Variants in WWP1 observed in about 807,000 individuals in gnomAD.
WWP1 encodes NEDD4-like E3 ubiquitin-protein ligase WWP1.
A neutral mutation model predicts 130.6 loss-of-function variants in WWP1; 49 were observed. The observed-to-expected ratio is 0.38, with a 90% CI of 0.30 to 0.48. The LOEUF (loss-of-function observed/expected upper bound fraction) is 0.48. WWP1 is among the 20% of genes least tolerant of loss of function. The pLI is 0.99. For synonymous variants in WWP1, 332 were observed against 367.8 expected, an observed-to-expected ratio of 0.90 and a Z score of 1.11; for missense variants, 809 against 1,100.6, an observed-to-expected ratio of 0.74 and a Z score of 3.75.
chr8:86,433,143 G>T (rs1297589492), intron 14 of WWP1, among the ~76,000 whole-genome samples: 1 of 151,490 alleles, frequency 6.6e-6, no homozygotes, highest in Non-Finnish European at 1.5e-5. Flanking sequence ...CAAAAGTAGT[G>T]CTGTGAGCCA....
chr8:86,424,214 G>A (rs1429201212), intron 9 of WWP1, among the ~76,000 whole-genome samples: 4 of 149,328 alleles, frequency 2.7e-5, no homozygotes, highest in South Asian at 2.2e-4. Flanking sequence ...ACGGGGCGGC[G>A]GGGCAGAGGC....
At position 86,452,693 on chromosome 8, in the gene WWP1, A is replaced by C. The variant is rs1347499146; in HGVS notation, c.2394+14A>C. 1 of 1,611,588 alleles carries C rather than the reference A, an allele frequency of 6.2e-7. No individual in the cohort carries two copies. Among genetic ancestry groups the C allele is most frequent in the African/African-American group, 1.3e-5 (1 of 74,848 alleles). Reference sequence around the variant, plus strand: ...AAAGAATTAGAGGTTAGGCCCTTTTATTATGCTATTGTAGGGAATGTTAGT... The same window carrying C: ...AAAGAATTAGAGGTTAGGCCCTTTTCTTATGCTATTGTAGGGAATGTTAGT... On this transcript the variant is annotated intron_variant, in intron 21 of 24. Transcript: ENST00000517970.
chr8:86,395,478 A>G (rs1175185006), intron 5 of WWP1, among the ~76,000 whole-genome samples: 2 of 130,760 alleles, frequency 1.5e-5, no homozygotes, highest in Non-Finnish European at 1.8e-5. Context: ...ACAGATTCAT[A>G]CTGTCCCAAA....
intron 8 of WWP1, among the ~76,000 whole-genome samples, chr8:86,403,000 A>G (rs893849298): frequency 7.2e-5 from 11 of 152,206 alleles, no homozygotes; most frequent in African/African-American, 2.2e-4. Context: ...TATAGAAGGA[A>G]TGCCTAAGGA....
intron 22 of WWP1, among the ~76,000 whole-genome samples, chr8:86,458,934 C>T (rs1490822552): frequency 1.3e-5 from 2 of 151,884 alleles, no homozygotes; most frequent in Non-Finnish European, 2.9e-5. Context: ...CCTAAATGTC[C>T]ATCAGGAGAG....
At chr8:86,437,441 G>A (rs1389503648) in intron 16 of WWP1, among the ~76,000 whole-genome samples, 1 of 152,192 alleles carries the variant, frequency 6.6e-6, no homozygotes, top group Non-Finnish European at 1.5e-5. Context: ...TCTAAGTACT[G>A]CTAGTCAGAA....
At position 86,402,082 on chromosome 8, in the gene WWP1, C is replaced by T. The variant is rs1364220845; in HGVS notation, c.603C>T (p.Asn201=). 2 of 1,613,770 alleles carry T rather than the reference C, an allele frequency of 1.2e-6. No homozygotes were observed. The highest frequency in any genetic ancestry group is 1.7e-6 in the Non-Finnish European group (2 of 1,179,962). Residue 201 remains asparagine (N), a synonymous_variant, in exon 8 of 25, where the codon AAC becomes AAT. Transcript: ENST00000517970. ...NHVPTSTLVQ[N]SCCSYVVNGD... is the part of the protein sequence containing the mutation. ...TACCTACAAGCACTCTAGTCCAAAA[C>T]TCATGCTGCTCGTATGTAGTTAATG...
chr8:86,345,747 T>C (rs920261710), intron 1 of WWP1, among the ~76,000 whole-genome samples: 14 of 152,178 alleles, frequency 9.2e-5, no homozygotes, highest in Non-Finnish European at 1.5e-5. Flanking sequence ...ACCTTCAGGT[T>C]CTTCTGTGTA....
rs1482546085 is a variant in WWP1, at chr8:86,411,523, A to T, written c.725-15A>T. 1 of 1,598,098 alleles carries T rather than the reference A, an allele frequency of 6.3e-7. No individual in the cohort carries two copies. The highest frequency in any genetic ancestry group is 8.5e-7 in the Non-Finnish European group (1 of 1,170,136). ...CATTACTTGATAGATGATTTTATTAATTTTCCCTTCTCAGTTAATGGAGAA... is the reference window on the plus strand; with the variant it reads ...CATTACTTGATAGATGATTTTATTATTTTTCCCTTCTCAGTTAATGGAGAA... On this transcript the variant is annotated splice_polypyrimidine_tract_variant and intron_variant, in intron 8 of 24. Coordinates refer to ENST00000517970, the MANE Select transcript of WWP1 (RefSeq NM_007013.4).
At chr8:86,452,192 G>A (rs1265427969) in intron 20 of WWP1, among the ~76,000 whole-genome samples, 2 of 151,964 alleles carry the variant, frequency 1.3e-5, no homozygotes, top group African/African-American at 2.4e-5. Context: ...GTTCCTTCCC[G>A]GTGGGCACAT....
chr8:86,431,802 T>G, intron 14 of WWP1, 59 bp downstream of exon 14: 11 of 1,592,420 alleles, frequency 6.9e-6, no homozygotes, highest in Middle Eastern at 1.7e-4. Context: ...TGAGATTTAG[T>G]CTCTAATTTA....
Position 86,398,457 on chromosome 8 carries a change from A to T in WWP1, c.450A>T (p.Thr150=), listed in dbSNP as rs1199695369. The T allele has an allele frequency of 2.5e-6, 4 of 1,612,754 alleles. No individual in the cohort carries two copies. Among genetic ancestry groups the T allele is most frequent in the Non-Finnish European group, 3.4e-6 (4 of 1,179,156 alleles). The part of the protein sequence containing the change: ...DGLVIEQENI[T]NCSSSPTIEI... ...TGGTGATTGAGCAAGAAAATATAAC[A>T]AACTGCAGCTCATCTCCAACCAGTA... Residue 150 remains threonine (T), a synonymous_variant, in exon 6 of 25, where the codon ACA becomes ACT. Coordinates refer to ENST00000517970, the MANE Select transcript of WWP1 (RefSeq NM_007013.4).
intron 2 of WWP1, among the ~76,000 whole-genome samples, chr8:86,371,833 A>G (rs915973036): frequency 8.6e-5 from 13 of 151,796 alleles, no homozygotes; most frequent in Non-Finnish European, 1.9e-4. Context: ...CGTGTAGTCA[A>G]AATATTCACC....
chr8:86,362,063 C>T (rs201066229), intron 1 of WWP1, among the ~76,000 whole-genome samples: 5 of 131,942 alleles, frequency 3.8e-5, no homozygotes, highest in Non-Finnish European at 4.7e-5. Flanking sequence ...TATATACACA[C>T]ATATATATAC....
chr8:86,366,051 G>A (rs965264700), intron 1 of WWP1, among the ~76,000 whole-genome samples: 3 of 152,288 alleles, frequency 2.0e-5, no homozygotes, highest in South Asian at 2.1e-4. Context: ...GAAGTGCTTC[G>A]CAAATGTAAA....
intron 21 of WWP1, 64 bp downstream of exon 21, chr8:86,452,743 T>C: frequency 1.3e-6 from 2 of 1,576,650 alleles, no homozygotes; most frequent in East Asian, 2.3e-5. Context: ...ATTTAGTGCT[T>C]TTACAGAACA....
intron 21 of WWP1, among the ~76,000 whole-genome samples, chr8:86,455,371 T>G (rs1245881294): frequency 6.6e-6 from 1 of 151,918 alleles, no homozygotes; most frequent in East Asian, 1.9e-4. Flanking sequence ...GGGAAATAAG[T>G]AAAACTGCCT....
chr8:86,343,798 A>AT (rs1238883872), intron 1 of WWP1, among the ~76,000 whole-genome samples: 8 of 151,750 alleles, frequency 5.3e-5, no homozygotes, highest in African/African-American at 1.7e-4. Context: ...AGTTTAACAA[A>AT]TTTTTTTCTG....
chr8:86,414,227 CT>C (rs377203401), intron 9 of WWP1, among the ~76,000 whole-genome samples: 8 of 150,946 alleles, frequency 5.3e-5, no homozygotes, highest in African/African-American at 1.7e-4. Flanking sequence ...GTTTGTTTTT[CT>C]GTGTGTGTGT....
Sources: allele counts gnomAD v4.1 joint callset (sites outside exome capture counted in the v4.1 genomes callset), GRCh38; gene constraint gnomAD v4.1.1; transcripts MANE v1.5; gene names NCBI Gene and HGNC (gene_info 2026-07-23, HGNC 2026-07-21).